The following RGS17 variants were observed in gnomAD, a reference collection of about 807,000 sequenced individuals.
The protein encoded by RGS17 is regulator of G protein signaling 17.
Under a neutral mutation model 25.5 loss-of-function variants are expected in RGS17, and 12 were observed. That is an observed-to-expected ratio of 0.47 (90% CI 0.30 to 0.76). The LOEUF (loss-of-function observed/expected upper bound fraction) is 0.76. RGS17 is among the 30% of genes least tolerant of loss of function. RGS17 has a pLI of 0.07. For synonymous variants in RGS17, 71 were observed against 76.9 expected, an observed-to-expected ratio of 0.92 and a Z score of 0.40; for missense variants, 196 against 242.2, an observed-to-expected ratio of 0.81 and a Z score of 1.27.
At chr6:153,085,821 T>C (rs1777045867) in intron 1 of RGS17, among the ~76,000 whole-genome samples, 3 of 152,196 alleles carry the variant, frequency 2.0e-5, no homozygotes. Flanking sequence ...ATAGAGCCCA[T>C]GTACCCAGTC....
At chr6:153,070,866 T>C (rs948695729) in intron 1 of RGS17, among the ~76,000 whole-genome samples, 2 of 150,044 alleles carry the variant, frequency 1.3e-5, no homozygotes, top group Admixed American at 6.7e-5. Context: ...ATATATAACA[T>C]GCATATGCCC....
chr6:153,063,529 G>A (rs7768164), intron 1 of RGS17, among the ~76,000 whole-genome samples: 21,233 of 152,004 alleles, frequency 0.14, 1,543 homozygotes, highest in Middle Eastern at 0.24. Context: ...TTGGAAATAT[G>A]CAGTCAGAGG....
intron 2 of RGS17, among the ~76,000 whole-genome samples, chr6:153,033,147 C>T (rs1049223477): frequency 1.3e-5 from 2 of 151,986 alleles, no homozygotes; most frequent in Non-Finnish European, 2.9e-5. Flanking sequence ...TTTCTATATA[C>T]GCATCTGTTT....
chr6:153,034,957 C>T (rs1052051168), intron 2 of RGS17, among the ~76,000 whole-genome samples: 21 of 151,700 alleles, frequency 1.4e-4, no homozygotes, highest in Admixed American at 1.1e-3. Context: ...TGAGACTAGC[C>T]TGGCCAACAT....
At chr6:153,075,001 T>C (rs1776858098) in intron 1 of RGS17, among the ~76,000 whole-genome samples, 2 of 152,196 alleles carry the variant, frequency 1.3e-5, no homozygotes, top group African/African-American at 4.8e-5. Flanking sequence ...GGATGCTGAT[T>C]AGTACTAAGA....
intron 1 of RGS17, among the ~76,000 whole-genome samples, chr6:153,044,444 A>G (rs1776363466): frequency 6.6e-6 from 1 of 152,214 alleles, no homozygotes; most frequent in African/African-American, 2.4e-5. Flanking sequence ...TGTTTACAGT[A>G]AGGTAAATTG....
At chr6:153,087,466 C>G (rs1584150806) in intron 1 of RGS17, among the ~76,000 whole-genome samples, 1 of 152,202 alleles carries the variant, frequency 6.6e-6, no homozygotes, top group Admixed American at 6.5e-5. Context: ...TAGTCAGCTG[C>G]AAACACATGC....
intron 2 of RGS17, among the ~76,000 whole-genome samples, chr6:153,041,300 A>G (rs1456101810): frequency 6.6e-6 from 1 of 152,236 alleles, no homozygotes; most frequent in Non-Finnish European, 1.5e-5. Flanking sequence ...TCCAATGTTC[A>G]TTGACAAGAA....
At position 153,006,778 on chromosome 6, in the gene RGS17, G is replaced by A. The variant is rs777998399; in HGVS notation, c.*4796C>T. The A allele has an allele frequency of 3.9e-5, 6 of 151,978 alleles. No individual in the cohort carries two copies. Among genetic ancestry groups the A allele is most frequent in the Non-Finnish European group, 7.4e-5 (5 of 68,022 alleles). 9.4% of individuals were successfully genotyped at this position (151,978 alleles called of 1,614,324 possible). A position where few individuals can be genotyped will look rare whatever the true frequency, so the allele number is the denominator to read the frequency against. On this transcript the variant is annotated 3_prime_UTR_variant, in exon 5 of 5. Coordinates refer to ENST00000206262, the MANE Select transcript of RGS17 (RefSeq NM_012419.5). ...TGCTCATAGTTATCCTGATAATTAC[G>A]TATTTTATTTGTCATTTGCAGATGA...
chr6:153,033,059 T>C (rs939642445), intron 2 of RGS17, among the ~76,000 whole-genome samples: 8 of 152,210 alleles, frequency 5.3e-5, no homozygotes, highest in African/African-American at 1.9e-4. Context: ...TACGTGAACA[T>C]TCATTTCTTC....
chr6:153,006,163 T>A lies in RGS17; in HGVS notation c.*5411A>T, dbSNP rs1332608699. ...ACCGTGCCTGGCCCATTACCACCTT[T>A]TATTAAGTTTTTATTTTCATTGTAA... is the stretch of plus-strand genomic sequence containing the variant. On this transcript the variant is annotated 3_prime_UTR_variant, in exon 5 of 5. Transcript: ENST00000206262. 1.3e-5 allele frequency: 2 copies of A among 152,178 alleles called. No homozygotes were observed. The highest frequency in any genetic ancestry group is 2.9e-5 in the Non-Finnish European group (2 of 68,022). 9.4% of individuals were successfully genotyped at this position (152,178 alleles called of 1,614,324 possible).
intron 1 of RGS17, among the ~76,000 whole-genome samples, chr6:153,088,913 G>A (rs951453276): frequency 1.0e-4 from 14 of 135,666 alleles, no homozygotes; most frequent in African/African-American, 2.7e-4. Context: ...GCAGCTGTCC[G>A]CAGATTATTG....
intron 1 of RGS17, among the ~76,000 whole-genome samples, chr6:153,082,000 T>G (rs1776993862): frequency 1.3e-5 from 2 of 152,122 alleles, no homozygotes; most frequent in African/African-American, 4.8e-5. Flanking sequence ...AACGATAGAT[T>G]GGGGAGAATA....
intron 2 of RGS17, among the ~76,000 whole-genome samples, chr6:153,034,561 C>A (rs1360017442): frequency 1.3e-5 from 2 of 152,098 alleles, no homozygotes; most frequent in Non-Finnish European, 2.9e-5. Flanking sequence ...CATGACTAAT[C>A]GCATTTTACT....
intron 2 of RGS17, among the ~76,000 whole-genome samples, chr6:153,041,206 T>C (rs1199542807): frequency 6.6e-6 from 1 of 152,116 alleles, no homozygotes; most frequent in East Asian, 1.9e-4. Flanking sequence ...TGGTTTATAA[T>C]AATTAGAAAT....
intron 1 of RGS17, among the ~76,000 whole-genome samples, chr6:153,060,642 C>T (rs2129114722): frequency 6.6e-6 from 1 of 151,684 alleles, no homozygotes; most frequent in South Asian, 2.1e-4. Flanking sequence ...GAGCTGGAGC[C>T]ATTGTTCTAT....
chr6:153,040,288 T>C (rs1776305535), intron 2 of RGS17, among the ~76,000 whole-genome samples: 2 of 152,174 alleles, frequency 1.3e-5, no homozygotes, highest in Non-Finnish European at 1.5e-5. Flanking sequence ...TGTGGAAACA[T>C]TCAGCAGTTA....
At chr6:153,090,851 G>GTA (rs71017579) in intron 1 of RGS17, among the ~76,000 whole-genome samples, 53 of 150,774 alleles carry the variant, frequency 3.5e-4, no homozygotes, top group African/African-American at 8.5e-4. Context: ...AAAAAACATA[G>GTA]TATATATATA....
At chr6:153,116,884 T>C (rs926313073) in intron 1 of RGS17, among the ~76,000 whole-genome samples, 1 of 151,912 alleles carries the variant, frequency 6.6e-6, no homozygotes, top group Non-Finnish European at 1.5e-5. Context: ...TGAGAACACA[T>C]GGACACAGGA....
Sources: gnomAD v4.1 joint callset for allele counts (sites outside exome capture counted in the v4.1 genomes callset) on GRCh38, gnomAD v4.1.1 for gene constraint, MANE v1.5 for transcripts, NCBI Gene and HGNC (gene_info 2026-07-23, HGNC 2026-07-21) for gene names.